The following GYS2 variants were observed in gnomAD, a reference collection of about 807,000 sequenced individuals.
GYS2 encodes glycogen synthase 2, also known as glycogen [starch] synthase, liver.
Under a neutral mutation model 85.6 loss-of-function variants are expected in GYS2, and 80 were observed. The ratio of observed to expected loss-of-function variants is 0.93; its 90% CI spans 0.78 to 1.13. GYS2 has a LOEUF of 1.13. Ranked by LOEUF, GYS2 falls within the 50% of genes most tolerant of loss-of-function variation. The pLI is 0.00. For synonymous variants in GYS2, 328 were observed against 300.7 expected, an observed-to-expected ratio of 1.09 and a Z score of -0.94; for missense variants, 881 against 854.9, an observed-to-expected ratio of 1.03 and a Z score of -0.38.
At chr12:21,563,437 T>C (rs1184155938) in intron 5 of GYS2, 92 bp from the exon 6 acceptor site, 1 of 752,056 alleles carries the variant, frequency 1.3e-6, no homozygotes, top group African/African-American at 1.7e-5. Flanking sequence ...TAAAGTTAGA[T>C]GTTTATTGAC....
chr12:21,592,989 C>T (rs1944656001), intron 1 of GYS2, among the ~76,000 whole-genome samples: 1 of 151,880 alleles, frequency 6.6e-6, no homozygotes, highest in Non-Finnish European at 1.5e-5. Flanking sequence ...ACTTTAAAAC[C>T]TATACAAATA....
At chr12:21,544,055 A>T (rs929185603) in intron 12 of GYS2, among the ~76,000 whole-genome samples, 3 of 152,222 alleles carry the variant, frequency 2.0e-5, no homozygotes, top group African/African-American at 7.2e-5. Flanking sequence ...ATAAATGCTT[A>T]TATTTATTTG....
At chr12:21,598,591 C>T (rs1317720618) in intron 1 of GYS2, among the ~76,000 whole-genome samples, 1 of 152,028 alleles carries the variant, frequency 6.6e-6, no homozygotes, top group Non-Finnish European at 1.5e-5. Flanking sequence ...CCAAACTTCT[C>T]TCTTAACAAG....
chr12:21,601,237 A>G (rs1040389567), intron 1 of GYS2, among the ~76,000 whole-genome samples: 3 of 152,136 alleles, frequency 2.0e-5, no homozygotes, highest in Middle Eastern at 3.4e-3. Context: ...GTCACACCAC[A>G]GTCTAATTTC....
intron 12 of GYS2, among the ~76,000 whole-genome samples, chr12:21,543,946 A>C (rs2136845004): frequency 6.6e-6 from 1 of 152,356 alleles, no homozygotes; most frequent in Middle Eastern, 3.4e-3. Context: ...GAAAGTTCAC[A>C]GATCCTTCAT....
At chr12:21,559,013 A>G in intron 10 of GYS2, 78 bp downstream of exon 10, 1 of 838,022 alleles carries the variant, frequency 1.2e-6, no homozygotes, top group Non-Finnish European at 2.0e-6. Context: ...CCAAATTAGC[A>G]CATTCCAATA....
intron 7 of GYS2, 120 bp from the exon 8 acceptor site, chr12:21,560,612 T>C (rs1463227176): frequency 1.0e-5 from 7 of 689,256 alleles, no homozygotes; most frequent in South Asian, 3.1e-5. Context: ...GGTATAGTTA[T>C]TTATGTTTCA....
At chr12:21,572,923 T>G (rs1179196493) in intron 4 of GYS2, among the ~76,000 whole-genome samples, 1 of 152,204 alleles carries the variant, frequency 6.6e-6, no homozygotes, top group African/African-American at 2.4e-5. Context: ...GGAAGCATGG[T>G]TGTTGAGCTT....
intron 1 of GYS2, among the ~76,000 whole-genome samples, chr12:21,591,770 C>G (rs1944642127): frequency 6.6e-6 from 1 of 152,014 alleles, no homozygotes; most frequent in African/African-American, 2.4e-5. Flanking sequence ...GGAACTTCCA[C>G]AAGATTAACA....
At chr12:21,554,236 G>T (rs1467810311) in intron 11 of GYS2, among the ~76,000 whole-genome samples, 1 of 151,892 alleles carries the variant, frequency 6.6e-6, no homozygotes, top group Non-Finnish European at 1.5e-5. Flanking sequence ...GTGAGGAAGG[G>T]AAGGAGAGAG....
intron 1 of GYS2, among the ~76,000 whole-genome samples, chr12:21,595,649 T>C (rs1437656477): frequency 1.3e-5 from 2 of 151,572 alleles, no homozygotes; most frequent in Non-Finnish European, 2.9e-5. Context: ...CCACCAAAAG[T>C]GAGTAGGCAA....
In GYS2 at chr12:21,586,337, C is replaced by A. The variant is rs141051968; in HGVS notation, c.122-5814G>T. Among the ~76,000 whole-genome samples the A allele has an allele frequency of 3.1e-3, 467 of 152,248 alleles. 1 individual carries two copies. Among genetic ancestry groups the A allele is most frequent in the African/African-American group, 0.011 (446 of 41,542 alleles). On this transcript the variant is annotated intron_variant, in intron 1 of 15. Transcript: ENST00000261195. ...GACTTGGACTGGCTTCCTTGCTCCTCTGCTTGCAGATGGCCTATTGTGGGA... is the reference window on the plus strand; with the variant it reads ...GACTTGGACTGGCTTCCTTGCTCCTATGCTTGCAGATGGCCTATTGTGGGA...
intron 1 of GYS2, among the ~76,000 whole-genome samples, chr12:21,583,281 G>A (rs547884571): frequency 1.3e-5 from 2 of 152,196 alleles, no homozygotes. Context: ...ATGGTTTGGG[G>A]CTCTTTGAGA....
chr12:21,534,135 A>G (rs749288803), downstream of GYS2, among the ~76,000 whole-genome samples: 21 of 152,186 alleles, frequency 1.4e-4, no homozygotes, highest in Non-Finnish European at 2.6e-4. Context: ...TTTCAACTTT[A>G]TGATGGGATG....
At chr12:21,545,137 C>A (rs1944022574) in intron 12 of GYS2, among the ~76,000 whole-genome samples, 2 of 152,140 alleles carry the variant, frequency 1.3e-5, no homozygotes, top group Admixed American at 1.3e-4. Flanking sequence ...GTTTTCTGAA[C>A]TTTTTAAAAG....
chr12:21,558,427 G>A (rs2136872591), intron 10 of GYS2, 114 bp from the exon 11 acceptor site: 1 of 713,750 alleles, frequency 1.4e-6, no homozygotes, highest in East Asian at 2.6e-5. Flanking sequence ...AGTCTTTTGA[G>A]ATGGCACTAA....
intron 12 of GYS2, among the ~76,000 whole-genome samples, chr12:21,545,925 G>A (rs1309475831): frequency 6.6e-6 from 1 of 152,022 alleles, no homozygotes; most frequent in Admixed American, 6.6e-5. Flanking sequence ...ATTTTAAAAA[G>A]AATTATTCTA....
At chr12:21,576,426 G>T (rs1247007871) in intron 2 of GYS2, among the ~76,000 whole-genome samples, 1 of 152,056 alleles carries the variant, frequency 6.6e-6, no homozygotes, top group African/African-American at 2.4e-5. Context: ...TGAAAACCTG[G>T]GTAGTTGGAT....
At chr12:21,567,517 T>A (rs535146173) in intron 5 of GYS2, among the ~76,000 whole-genome samples, 120 of 150,844 alleles carry the variant, frequency 8.0e-4, no homozygotes, top group African/African-American at 2.6e-3. Flanking sequence ...TTAGTTGGGT[T>A]CTTGTTCTAT....
Sources: allele counts gnomAD v4.1 joint callset (sites outside exome capture counted in the v4.1 genomes callset), GRCh38; gene constraint gnomAD v4.1.1; transcripts MANE v1.5; gene names NCBI Gene and HGNC (gene_info 2026-07-23, HGNC 2026-07-21).